RPL13: variants seen among roughly 807,000 people sequenced by gnomAD.
The protein encoded by RPL13 is ribosomal protein L13.
In RPL13, 1 loss-of-function variant was observed where a neutral mutation model predicts 21.4. That is an observed-to-expected ratio of 0.05 (90% CI 0.02 to 0.22). RPL13 has a LOEUF of 0.22. Ranked by LOEUF, RPL13 falls within the 10% of genes least tolerant of loss-of-function variation. The pLI, the probability that RPL13 is intolerant of heterozygous loss-of-function variation, is 1.00. For missense variants in RPL13, 289 were observed against 303.0 expected (o/e 0.95, Z 0.34); for synonymous variants, 143 against 120.5 (o/e 1.19, Z -1.23).
At position 89,563,270 on chromosome 16, in the gene RPL13, T is replaced by C. The variant is rs1597676882; in HGVS notation, c.*228T>C. Reference sequence around the variant, plus strand: ...TGACTGATGTAAAACGGTTTTCTTGTGGGGAGGTTACAGAGGCTGACTTCA... The same window carrying C: ...TGACTGATGTAAAACGGTTTTCTTGCGGGGAGGTTACAGAGGCTGACTTCA... On this transcript the variant is annotated 3_prime_UTR_variant, in exon 6 of 6. Transcript: ENST00000311528. The C allele has an allele frequency of 2.7e-6, 1 of 372,212 alleles. No individual in the cohort carries two copies. The highest frequency in any genetic ancestry group is 4.8e-6 in the Non-Finnish European group (1 of 209,968). The allele number at this position is 372,212 out of a possible 1,614,324, so 23.1% of individuals were successfully genotyped here.
rs1237636153 is a variant in RPL13, at chr16:89,564,248, C to T, written c.*1206C>T. 6.6e-6 allele frequency: 1 copy of T among 152,260 alleles called. No homozygotes were observed. The highest frequency in any genetic ancestry group is 1.9e-4 in the East Asian group (1 of 5,202). 9.4% of individuals were successfully genotyped at this position (152,260 alleles called of 1,614,324 possible). A position where few individuals can be genotyped will look rare whatever the true frequency, so the allele number is the denominator to read the frequency against. ...GTGGAAATAGGTGATGCTGCTACCT[C>T]TGCTGCTGCACTCACAGCCACACTT... On this transcript the variant is annotated 3_prime_UTR_variant, in exon 6 of 6. Transcript: ENST00000311528.
chr16:89,564,167 G>C lies in RPL13; in HGVS notation c.*1125G>C, dbSNP rs758041569. Reference sequence around the variant, plus strand: ...CAGGGACCGAGTCAGATTCTGTTTTGTCTACATGCCTCTGCCGGGTGCCGG... The same window carrying C: ...CAGGGACCGAGTCAGATTCTGTTTTCTCTACATGCCTCTGCCGGGTGCCGG... On this transcript the variant is annotated 3_prime_UTR_variant, in exon 6 of 6. Transcript: ENST00000311528. The C allele has an allele frequency of 1.3e-5, 2 of 152,254 alleles. No individual in the cohort carries two copies. The highest frequency in any genetic ancestry group is 3.9e-4 in the East Asian group (2 of 5,180). 9.4% of individuals were successfully genotyped at this position (152,254 alleles called of 1,614,324 possible).
downstream of RPL13, chr16:89,566,391 G>C (rs1280173780): frequency 6.6e-6 from 1 of 151,128 alleles, no homozygotes; most frequent in Non-Finnish European, 1.5e-5. Context: ...AGACGTGTGC[G>C]GATAGGAGCT....
rs1174378143 is a variant in RPL13, at chr16:89,562,983, G to A, written c.577G>A (p.Gly193Ser). The change falls in exon 6 of 6, where the codon GGC becomes AGC. Residue 193 changes from glycine (G) to serine (S), a missense_variant. Gly to Ser is a moderately conservative substitution (Grantham distance 56). Coordinates refer to ENST00000311528, the MANE Select transcript of RPL13 (RefSeq NM_000977.4). ...GGCCCGTGCCAACGCCCGGCTCTTC[G>A]GCATACGGGCAAAAAGAGCCAAGGA... Reference protein sequence around the residue: ...RMARANARLFGIRAKRAKEAA... With the variant: ...RMARANARLFSIRAKRAKEAA... The A allele has an allele frequency of 2.5e-6, 4 of 1,581,018 alleles. No homozygotes were observed. Among genetic ancestry groups the A allele is most frequent in the South Asian group, 1.1e-5 (1 of 87,076 alleles).
At chr16:89,562,021 C>T in intron 4 of RPL13, 1 of 589,592 alleles carries the variant, frequency 1.7e-6, no homozygotes, top group Non-Finnish European at 3.0e-6. Context: ...TCTAGAAAGA[C>T]CTTGTAGGAT....
In RPL13 at chr16:89,563,684, C is replaced by G. The variant is rs13380730; in HGVS notation, c.*642C>G. ...GCCTCAAGCAGTCCTCCCTCAGCCT[C>G]CCAAGTAGAGGGGTTTATAGGCACG... On this transcript the variant is annotated 3_prime_UTR_variant, in exon 6 of 6. Transcript: ENST00000311528. The G allele has an allele frequency of 0.17, 26,594 of 152,196 alleles. 2,427 individuals are homozygous for G. Among genetic ancestry groups the G allele is most frequent in the African/African-American group, 0.2 (8,371 of 41,504 alleles). 9.4% of individuals were successfully genotyped at this position (152,196 alleles called of 1,614,324 possible).
intron 5 of RPL13, 119 bp from the exon 6 acceptor site, chr16:89,562,765 T>C: frequency 1.3e-5 from 14 of 1,053,842 alleles, no homozygotes; most frequent in Non-Finnish European, 1.9e-5. Context: ...TTTTCAGCAG[T>C]ACTTATGGCA....
At chr16:89,560,866 G>T in intron 1 of RPL13, 74 bp from the exon 2 acceptor site, 1 of 1,102,834 alleles carries the variant, frequency 9.1e-7, no homozygotes, top group South Asian at 1.5e-5. Context: ...CAGTCTGGAG[G>T]GTTCGGGGCG....
chr16:89,561,541 C>G (rs376241207), intron 3 of RPL13, 37 bp from the exon 4 acceptor site: 11 of 1,613,056 alleles, frequency 6.8e-6, no homozygotes, highest in Middle Eastern at 1.6e-4. Flanking sequence ...TGGAGAAAGC[C>G]CGGGCCTGTC....
Position 89,563,581 on chromosome 16 carries a change from A to G in RPL13, c.*539A>G, listed in dbSNP as rs2058761537. ...CAACAGTGAGACTGTCTCAAAAAAA[A>G]AAAAAGAGACAGGGTCTTCGGCACC... On this transcript the variant is annotated 3_prime_UTR_variant, in exon 6 of 6. Transcript: ENST00000311528. 5 of 152,110 alleles carry G rather than the reference A, an allele frequency of 3.3e-5. No individual in the cohort carries two copies. The highest frequency in any genetic ancestry group is 3.3e-4 in the Admixed American group (5 of 15,268). 9.4% of individuals were successfully genotyped at this position (152,110 alleles called of 1,614,324 possible).
intron 2 of RPL13, 37 bp from the exon 3 acceptor site, chr16:89,561,190 A>T: frequency 1.3e-6 from 2 of 1,525,378 alleles, no homozygotes; most frequent in Non-Finnish European, 1.8e-6. Context: ...TGGCGGCCTT[A>T]GGCAAGGGTG....
Position 89,563,424 on chromosome 16 carries a change from TAAAG to T in RPL13, c.*386_*389del, listed in dbSNP as rs561295351. On this transcript the variant is annotated 3_prime_UTR_variant, in exon 6 of 6. Coordinates refer to ENST00000311528, the MANE Select transcript of RPL13 (RefSeq NM_000977.4). ...GCCAACATGTCAGAACTACTAAAAATAAAGAAATCAGCCATGCTTGGTGCTGCAC... is the reference window on the plus strand; with the variant it reads ...GCCAACATGTCAGAACTACTAAAAATAAATCAGCCATGCTTGGTGCTGCAC... The T allele has an allele frequency of 1.5e-3, 237 of 155,292 alleles. No homozygotes were observed. The highest frequency in any genetic ancestry group is 5.2e-3 in the African/African-American group (215 of 41,622). The allele number at this position is 155,292 out of a possible 1,614,324, so 9.6% of individuals were successfully genotyped here.
chr16:89,561,553 C>T lies in RPL13; in HGVS notation c.247-25C>T, dbSNP rs1243191185. The T allele has an allele frequency of 5.6e-6, 9 of 1,613,356 alleles. No individual in the cohort carries two copies. The East Asian group carries it at 1.8e-4, about 32-fold the overall frequency. ...GGCTGGAGAAAGCCCGGGCCTGTCT[C>T]CATCTCTCTCTGGTTCTGGGGCAGG... On this transcript the variant is annotated intron_variant, in intron 3 of 5. Transcript: ENST00000311528.
At chr16:89,565,273 G>C (rs1049161700), downstream of RPL13, 2 of 134,472 alleles carry the variant, frequency 1.5e-5, no homozygotes, top group Non-Finnish European at 3.5e-5. Context: ...GTTTGGTGAG[G>C]GTCATGGATG....
intron 1 of RPL13, 37 bp from the exon 2 acceptor site, chr16:89,560,903 G>C: frequency 6.7e-7 from 1 of 1,496,402 alleles, no homozygotes; most frequent in Non-Finnish European, 9.0e-7. Flanking sequence ...CGCGCGCCCG[G>C]GGTCCGGCCT....
At chr16:89,565,358 G>C (rs539206105), downstream of RPL13, 4 of 152,930 alleles carry the variant, frequency 2.6e-5, no homozygotes, top group African/African-American at 9.6e-5. Context: ...AGCTAGTGCG[G>C]CTCTGCCCTT....
In RPL13 at chr16:89,562,943, C is replaced by T. The variant is rs372911433; in HGVS notation, c.537C>T (p.Phe179=). Residue 179 remains phenylalanine (F), a synonymous_variant, in exon 6 of 6, where the codon TTC becomes TTT. Coordinates refer to ENST00000311528, the MANE Select transcript of RPL13 (RefSeq NM_000977.4). ...ITEEEKNFKA[F]ASLRMARANA... ...AGGAAGAGAAGAATTTCAAAGCCTT[C>T]GCTAGTCTCCGTATGGCCCGTGCCA... The T allele has an allele frequency of 3.4e-5, 54 of 1,598,018 alleles. No homozygotes were observed. Among genetic ancestry groups the T allele is most frequent in the Middle Eastern group, 1.7e-4 (1 of 5,938 alleles).
In RPL13 at chr16:89,563,114, CTG is replaced by C. The variant is rs775907837; in HGVS notation, c.*73_*74del. 817 of 1,358,702 alleles carry C rather than the reference CTG, an allele frequency of 6.0e-4. No homozygotes were observed. Among genetic ancestry groups the C allele is most frequent in the Non-Finnish European group, 7.7e-4 (798 of 1,039,544 alleles). 84.2% of individuals were successfully genotyped at this position (1,358,702 alleles called of 1,614,324 possible). ...CACGTGGTGTGTTTCGTGGGAACAA[CTG>C]GGCCTGGGATGGGGCTTCACTGCTG... is the stretch of plus-strand genomic sequence containing the variant. On this transcript the variant is annotated 3_prime_UTR_variant, in exon 6 of 6. Coordinates refer to ENST00000311528, the MANE Select transcript of RPL13 (RefSeq NM_000977.4).
At chr16:89,560,828 C>T in intron 1 of RPL13, 112 bp from the exon 2 acceptor site, 2 of 660,294 alleles carry the variant, frequency 3.0e-6, no homozygotes, top group East Asian at 3.3e-5. Context: ...TCGGCCGCTG[C>T]CCGGGCTCTA....
Sources: allele counts gnomAD v4.1 joint callset, GRCh38; gene constraint gnomAD v4.1.1; transcripts MANE v1.5; gene names NCBI Gene and HGNC (gene_info 2026-07-23, HGNC 2026-07-21).